SPIB: variants seen among roughly 807,000 people sequenced by gnomAD.
SPIB encodes transcription factor Spi-B.
SPIB carries 7 observed loss-of-function variants against 31.9 expected under a neutral mutation model. The observed-to-expected ratio is 0.22, with a 90% CI of 0.12 to 0.41. The LOEUF (loss-of-function observed/expected upper bound fraction) is 0.41, where lower values mean the gene tolerates loss of function less well. Among genes scored for constraint, SPIB ranks in the 10% least tolerant of loss-of-function variants. The pLI is 1.00. For missense variants in SPIB, 327 were observed against 360.2 expected, an observed-to-expected ratio of 0.91 and a Z score of 0.75; for synonymous variants, 176 against 158.9, an observed-to-expected ratio of 1.11 and a Z score of -0.81.
chr19:50,427,866 C>A (rs1055433345), intron 5 of SPIB, among the ~76,000 whole-genome samples, 172 bp from the exon 6 acceptor site: 5 of 106,042 alleles, frequency 4.7e-5, no homozygotes, highest in African/African-American at 8.8e-5. Flanking sequence ...TTGCCCCCCC[C>A]CCCCCCCGTG....
Position 50,428,194 on chromosome 19 carries a change from A to G in SPIB, c.647A>G (p.Lys216Arg). The change falls in exon 6 of 6, where the codon AAG (lysine) becomes AGG (arginine). Residue 216 changes from lysine (K) to arginine (R), a missense_variant. Transcript: ENST00000595883. The surrounding 1 kb of genome is among the most constrained non-coding windows in gnomAD (Gnocchi z 6.5). ...CTGGCGCGCCGCTGGGGCCAGCAGAAGGGGAACCGCAAGCGCATGACCTAC... is the reference window on the plus strand; with the variant it reads ...CTGGCGCGCCGCTGGGGCCAGCAGAGGGGGAACCGCAAGCGCATGACCTAC... ...ELLARRWGQQKGNRKRMTYQK... is the reference protein window; with the variant it reads ...ELLARRWGQQRGNRKRMTYQK... The G allele has an allele frequency of 6.3e-7, 1 of 1,590,494 alleles. No homozygotes were observed.
At position 50,429,237 on chromosome 19, in the gene SPIB, C is replaced by T. The variant is rs900316564; in HGVS notation, c.*901C>T. On this transcript the variant is annotated 3_prime_UTR_variant, in exon 6 of 6. Coordinates refer to ENST00000595883, the MANE Select transcript of SPIB (RefSeq NM_003121.5). ...CCCTATGGCCATGCTGAAGACCACT[C>T]TGGCCACGCGACTGATTTTGGGTGA... 2.6e-5 allele frequency: 4 copies of T among 152,326 alleles called. No individual in the cohort carries two copies. Among genetic ancestry groups the T allele is most frequent in the Non-Finnish European group, 5.9e-5 (4 of 68,054 alleles). 9.4% of individuals were successfully genotyped at this position (152,326 alleles called of 1,614,324 possible). A position where few individuals can be genotyped will look rare whatever the true frequency, so the allele number is the denominator to read the frequency against.
chr19:50,424,804 A>G (rs144612642), intron 5 of SPIB, among the ~76,000 whole-genome samples: 107 of 148,324 alleles, frequency 7.2e-4, no homozygotes, highest in African/African-American at 2.5e-3. Context: ...AAGAAAGAAA[A>G]AAAAATTAAT....
intron 5 of SPIB, among the ~76,000 whole-genome samples, chr19:50,426,325 C>T (rs762569460): frequency 6.6e-6 from 1 of 152,024 alleles, no homozygotes; most frequent in Non-Finnish European, 1.5e-5. Context: ...CATGCAGGGC[C>T]GTCAAGTAGG....
In SPIB at chr19:50,419,391, C is replaced by T. The variant is rs184080518; in HGVS notation, c.23+406C>T. ...TCTCTGTGTCTCTGTCTCCAGTTCT[C>T]GCTCTCCCTGCCTTTTGGTCTCCTT... On this transcript the variant is annotated intron_variant, in intron 1 of 5. Coordinates refer to ENST00000595883, the MANE Select transcript of SPIB (RefSeq NM_003121.5). Among the ~76,000 whole-genome samples, 600 of 152,258 alleles carry T rather than the reference C, an allele frequency of 3.9e-3. 15 individuals are homozygous for T. Among genetic ancestry groups the T allele is most frequent in the Non-Finnish European group, 9.6e-4 (65 of 68,006 alleles).
intron 1 of SPIB, among the ~76,000 whole-genome samples, 192 bp downstream of exon 1, chr19:50,419,177 C>G (rs1194652269): frequency 6.6e-6 from 1 of 152,208 alleles, no homozygotes; most frequent in Non-Finnish European, 1.5e-5. Flanking sequence ...CCCCCCAGTT[C>G]CTATCTTTCC....
At chr19:50,420,348 T>C (rs2039479083) in intron 2 of SPIB, among the ~76,000 whole-genome samples, 1 of 152,214 alleles carries the variant, frequency 6.6e-6, no homozygotes, top group Admixed American at 6.5e-5. Flanking sequence ...CTTACTGATG[T>C]GGTTGAAAGA....
intron 2 of SPIB, among the ~76,000 whole-genome samples, chr19:50,422,241 C>A (rs1230662314): frequency 6.6e-6 from 1 of 152,210 alleles, no homozygotes; most frequent in African/African-American, 2.4e-5. Context: ...ACCGTCTTAG[C>A]AGGAGCTGGC....
chr19:50,424,503 C>T (rs1023191965), intron 5 of SPIB, among the ~76,000 whole-genome samples: 2 of 152,080 alleles, frequency 1.3e-5, no homozygotes, highest in African/African-American at 2.4e-5. Flanking sequence ...AAAAATTAGG[C>T]TGGGCATGGT....
Position 50,428,360 on chromosome 19 carries a change from G to A in SPIB, c.*24G>A. The A allele has an allele frequency of 6.6e-7, 1 of 1,514,326 alleles. No individual in the cohort carries two copies. Among genetic ancestry groups the A allele is most frequent in the Admixed American group, 2.2e-5 (1 of 45,890 alleles). 93.8% of individuals were successfully genotyped at this position (1,514,326 alleles called of 1,614,324 possible). ...GAGCACACCCGAGGCTCCCACCTGC[G>A]GAGCCGCTGGGGGACCTCACGTCCC... is the stretch of plus-strand genomic sequence containing the variant. On this transcript the variant is annotated 3_prime_UTR_variant, in exon 6 of 6. Coordinates refer to ENST00000595883, the MANE Select transcript of SPIB (RefSeq NM_003121.5). This position sits in a 1 kb window ranked among gnomAD's most constrained non-coding sequence, Gnocchi z 6.5.
rs896468937 is a variant in SPIB, at chr19:50,422,868, C to T, written c.170C>T (p.Pro57Leu). Residue 57 changes from proline (P) to leucine (L), a missense_variant, in exon 4 of 6, where the codon CCC (proline) becomes CTC (leucine). By Grantham distance (98) the Pro-to-Leu change is moderately conservative. Around this residue, in one of 4 missense-constraint regions of SPIB, gnomAD observed 238 missense variants for 228.8 expected, o/e 1.04. Coordinates refer to ENST00000595883, the MANE Select transcript of SPIB (RefSeq NM_003121.5). ...GTGGCCCCACCTGTCCCAGCCACCC[C>T]CTATGAAGCCTTCGACCCGGCAGCA... ...WTVAPPVPAT[P>L]YEAFDPAAAA... 6 of 1,610,046 alleles carry T rather than the reference C, an allele frequency of 3.7e-6. No individual in the cohort carries two copies. Among genetic ancestry groups the T allele is most frequent in the Admixed American group, 1.7e-5 (1 of 59,672 alleles).
rs2039634441 is a variant in SPIB, at chr19:50,430,970, C to T, written c.*2634C>T. ...GGTAAAACGTCCTCCCCAGGGCCCC[C>T]TGCAACGGGGAAGGTACTTTTTACA... On this transcript the variant is annotated 3_prime_UTR_variant, in exon 6 of 6. Coordinates refer to ENST00000595883, the MANE Select transcript of SPIB (RefSeq NM_003121.5). 2 of 152,206 alleles carry T rather than the reference C, an allele frequency of 1.3e-5. No homozygotes were observed. Among genetic ancestry groups the T allele is most frequent in the Admixed American group, 1.3e-4 (2 of 15,284 alleles). The allele number at this position is 152,206 out of a possible 1,614,324, so 9.4% of individuals were successfully genotyped here. A position where few individuals can be genotyped will look rare whatever the true frequency, so the allele number is the denominator to read the frequency against.
chr19:50,419,889 T>G (rs939202723), intron 1 of SPIB, 57 bp from the exon 2 acceptor site: 2,152 of 1,488,698 alleles, frequency 1.4e-3, no homozygotes, highest in Non-Finnish European at 1.8e-3. Context: ...CCAACCACTT[T>G]GAGATTCAGG....
At chr19:50,425,717 C>T (rs2039556620) in intron 5 of SPIB, among the ~76,000 whole-genome samples, 1 of 152,232 alleles carries the variant, frequency 6.6e-6, no homozygotes, top group Non-Finnish European at 1.5e-5. Flanking sequence ...GCTGAAGTTA[C>T]AGGCATGAGC....
At chr19:50,425,263 A>C (rs367909662) in intron 5 of SPIB, among the ~76,000 whole-genome samples, 1 of 151,886 alleles carries the variant, frequency 6.6e-6, no homozygotes, top group East Asian at 2.0e-4. Flanking sequence ...TCTCGGCCTC[A>C]CAAAGTGCTG....
intron 1 of SPIB, 58 bp downstream of exon 1, chr19:50,419,043 G>T: frequency 6.5e-7 from 1 of 1,544,820 alleles, no homozygotes; most frequent in South Asian, 1.2e-5. Flanking sequence ...CCCCTCTGTG[G>T]GGCCTCACCC....
intron 5 of SPIB, among the ~76,000 whole-genome samples, chr19:50,426,984 G>T (rs2039572968): frequency 6.6e-6 from 1 of 151,450 alleles, no homozygotes; most frequent in South Asian, 2.1e-4. Context: ...AAAACAATTA[G>T]CTAGGCATGA....
chr19:50,423,832 G>T, intron 5 of SPIB, 77 bp downstream of exon 5: 1 of 1,503,120 alleles, frequency 6.7e-7, no homozygotes, highest in Non-Finnish European at 9.0e-7. Context: ...GGCTTCCTGG[G>T]CCTCTACATA....
Position 50,423,721 on chromosome 19 carries a change from C to A in SPIB, c.456C>A (p.Leu152=), listed in dbSNP as rs569305351. 2 of 1,612,314 alleles carry A rather than the reference C, an allele frequency of 1.2e-6. No individual in the cohort carries two copies. The highest frequency in any genetic ancestry group is 1.7e-6 in the Non-Finnish European group (2 of 1,179,340). Residue 152 remains leucine, a synonymous_variant, in exon 5 of 6, where the codon CTC becomes CTA. Coordinates refer to ENST00000595883, the MANE Select transcript of SPIB (RefSeq NM_003121.5). ...EVSDSESDEA[L]VAGPEGKGSE... ...CGGACAGCGAGTCGGATGAGGCCCT[C>A]GTGGCTGGCCCCGAGGGGAAGGGAT...
Sources: allele counts gnomAD v4.1 joint callset (sites outside exome capture counted in the v4.1 genomes callset), GRCh38; gene constraint gnomAD v4.1.1; regional missense constraint gnomAD v4.1.1; non-coding constraint Gnocchi (gnomAD v3.1); transcripts MANE v1.5; gene names NCBI Gene and HGNC (gene_info 2026-07-23, HGNC 2026-07-21).